SLCO1B1: variants seen among roughly 807,000 people sequenced by gnomAD.
SLCO1B1 encodes the protein solute carrier organic anion transporter family member 1B1, also known as OATP-2.
Under a neutral mutation model 70.1 loss-of-function variants are expected in SLCO1B1, and 81 were observed. That is an observed-to-expected ratio of 1.16 (90% CI 0.97 to 1.39). The LOEUF (loss-of-function observed/expected upper bound fraction) is 1.39, where lower values mean the gene tolerates loss of function less well. Ranked by LOEUF, SLCO1B1 falls within the 40% of genes most tolerant of loss-of-function variation. The pLI is 0.00. For synonymous variants in SLCO1B1, 283 were observed against 271.5 expected, an observed-to-expected ratio of 1.04 and a Z score of -0.42; for missense variants, 895 against 799.6, an observed-to-expected ratio of 1.12 and a Z score of -1.44.
intron 7 of SLCO1B1, among the ~76,000 whole-genome samples, chr12:21,196,530 T>C (rs148226714): frequency 5.3e-5 from 8 of 152,322 alleles, no homozygotes; most frequent in African/African-American, 1.9e-4. Context: ...AGTAGATTTC[T>C]TGCAAACTGC....
intron 2 of SLCO1B1, among the ~76,000 whole-genome samples, chr12:21,170,631 C>T (rs1163427528): frequency 6.6e-6 from 1 of 152,166 alleles, no homozygotes; most frequent in East Asian, 1.9e-4. Context: ...CCCCTTTCTC[C>T]TGTTTTATTA....
intron 2 of SLCO1B1, among the ~76,000 whole-genome samples, chr12:21,157,723 T>A (rs991926502): frequency 2.0e-5 from 3 of 151,256 alleles, no homozygotes; most frequent in African/African-American, 7.3e-5. Flanking sequence ...TGCCTCAGCC[T>A]CCCAAGTAGC....
At chr12:21,222,397 A>AATATATATATATATATATAT (rs751514211) in intron 13 of SLCO1B1, 33 bp downstream of exon 13, 3 of 97,730 alleles carry the variant, frequency 3.1e-5, no homozygotes, top group African/African-American at 6.6e-5. Flanking sequence ...AAAAAAAAAA[A>AATATATATATATATATATAT]ATATATATAT....
At chr12:21,146,608 C>A (rs987515364) in intron 2 of SLCO1B1, among the ~76,000 whole-genome samples, 3 of 151,832 alleles carry the variant, frequency 2.0e-5, no homozygotes, top group Non-Finnish European at 4.4e-5. Flanking sequence ...GATTTTGCTA[C>A]CTTTCACAAA....
At chr12:21,136,548 C>A (rs1264187050) in intron 1 of SLCO1B1, among the ~76,000 whole-genome samples, 3 of 152,098 alleles carry the variant, frequency 2.0e-5, no homozygotes, top group African/African-American at 7.2e-5. Context: ...TCTTTTTTCT[C>A]TAAACTTCTC....
chr12:21,185,889 A>G (rs1253414788), intron 7 of SLCO1B1, among the ~76,000 whole-genome samples: 4 of 152,028 alleles, frequency 2.6e-5, no homozygotes, highest in Non-Finnish European at 5.9e-5. Context: ...CAAAGATCAC[A>G]TTACAACTCC....
intron 2 of SLCO1B1, among the ~76,000 whole-genome samples, chr12:21,163,034 A>C (rs1386632848): frequency 6.6e-6 from 1 of 152,146 alleles, no homozygotes; most frequent in Non-Finnish European, 1.5e-5. Flanking sequence ...CTTTTTGTGA[A>C]TAAATTAACT....
At position 21,174,657 on chromosome 12, in the gene SLCO1B1, A is replaced by G; in HGVS notation, c.307A>G (p.Ile103Val). ...AAAGTTAATTGGAATCGGTTGTTTCATTATGGGAATTGGAGGTGTTTTGAC... is the reference window on the plus strand; with the variant it reads ...AAAGTTAATTGGAATCGGTTGTTTCGTTATGGGAATTGGAGGTGTTTTGAC... ...RPKLIGIGCFIMGIGGVLTAL... is the reference protein window; with the variant it reads ...RPKLIGIGCFVMGIGGVLTAL... The change falls in exon 4 of 15, where the codon ATT (isoleucine) becomes GTT (valine). Residue 103 changes from isoleucine to valine, a missense_variant. Ile to Val is a conservative substitution (Grantham distance 29). Transcript: ENST00000256958. The G allele has an allele frequency of 1.2e-6, 2 of 1,612,446 alleles. No individual in the cohort carries two copies. The highest frequency in any genetic ancestry group is 1.7e-6 in the Non-Finnish European group (2 of 1,179,344).
intron 2 of SLCO1B1, among the ~76,000 whole-genome samples, chr12:21,141,944 G>C (rs990828301): frequency 5.3e-5 from 8 of 151,102 alleles, no homozygotes; most frequent in Non-Finnish European, 7.4e-5. Context: ...GACATATTTA[G>C]GAATGTGATT....
At chr12:21,225,738 A>G (rs553714965) in intron 14 of SLCO1B1, among the ~76,000 whole-genome samples, 20 of 152,294 alleles carry the variant, frequency 1.3e-4, no homozygotes, top group African/African-American at 4.6e-4. Flanking sequence ...AAACCATCCA[A>G]TGCTGGCAAG....
chr12:21,185,460 A>G (rs1940953101), intron 7 of SLCO1B1, among the ~76,000 whole-genome samples: 1 of 152,104 alleles, frequency 6.6e-6, no homozygotes, highest in African/African-American at 2.4e-5. Flanking sequence ...ATTTCTTAAA[A>G]CCACCCAAAA....
chr12:21,178,324 C>G (rs1170027872), intron 5 of SLCO1B1, among the ~76,000 whole-genome samples: 3 of 152,126 alleles, frequency 2.0e-5, no homozygotes, highest in Non-Finnish European at 4.4e-5. Flanking sequence ...TGAGGCCCCC[C>G]AGCCATGAGG....
intron 7 of SLCO1B1, among the ~76,000 whole-genome samples, chr12:21,190,627 TAC>T (rs1941019427): frequency 6.6e-6 from 1 of 152,220 alleles, no homozygotes; most frequent in Non-Finnish European, 1.5e-5. Context: ...CTGAGTAATG[TAC>T]ATTGTACCCA....
At position 21,197,049 on chromosome 12, in the gene SLCO1B1, T is replaced by C. The variant is rs1333993584; in HGVS notation, c.831T>C (p.Phe277=). ...CCATTATTTCTTCCATACCATTCTT[T>C]TTCTTGCCCCAAACTCCAAATAAAC... is the stretch of plus-strand genomic sequence containing the variant. ...LFSIISSIPF[F]FLPQTPNKPQ... is the part of the protein sequence containing the mutation. Residue 277 remains phenylalanine (F), a synonymous_variant, in exon 8 of 15, where the codon TTT becomes TTC. Transcript: ENST00000256958. The C allele has an allele frequency of 3.7e-6, 6 of 1,613,698 alleles. No homozygotes were observed. The highest frequency in any genetic ancestry group is 5.1e-6 in the Non-Finnish European group (6 of 1,179,790).
At chr12:21,160,106 T>TAAAAA (rs56102570) in intron 2 of SLCO1B1, among the ~76,000 whole-genome samples, 10 of 111,916 alleles carry the variant, frequency 8.9e-5, no homozygotes, top group East Asian at 5.4e-4. Context: ...TTCACAGAAC[T>TAAAAA]AAAAAAAAAA....
chr12:21,179,121 T>C, intron 7 of SLCO1B1, 101 bp downstream of exon 7: 2 of 760,160 alleles, frequency 2.6e-6, no homozygotes, highest in Non-Finnish European at 2.4e-6. Context: ...AATAGTCCTT[T>C]GCTTAATATA....
At chr12:21,134,755 T>C (rs1940193220) in intron 1 of SLCO1B1, among the ~76,000 whole-genome samples, 1 of 152,214 alleles carries the variant, frequency 6.6e-6, no homozygotes, top group Non-Finnish European at 1.5e-5. Flanking sequence ...TAGTGGTCTA[T>C]CAATTTTGTT....
chr12:21,170,104 GT>G (rs750792401), intron 2 of SLCO1B1, among the ~76,000 whole-genome samples: 10 of 152,160 alleles, frequency 6.6e-5, no homozygotes, highest in Non-Finnish European at 8.8e-5. Flanking sequence ...TGGAACTGCA[GT>G]TTTTGGTGTA....
intron 13 of SLCO1B1, 109 bp from the exon 14 acceptor site, chr12:21,224,613 C>A: frequency 1.3e-6 from 1 of 741,822 alleles, no homozygotes; most frequent in Non-Finnish European, 2.4e-6. Flanking sequence ...TAAACGAATC[C>A]TCCAAATTTT....
Sources: allele counts gnomAD v4.1 joint callset (sites outside exome capture counted in the v4.1 genomes callset), GRCh38; gene constraint gnomAD v4.1.1; transcripts MANE v1.5; gene names NCBI Gene and HGNC (gene_info 2026-07-23, HGNC 2026-07-21).